Variants in ARHGAP25 observed in about 807,000 individuals in gnomAD.
The protein encoded by ARHGAP25 is Rho GTPase activating protein 25.
ARHGAP25 carries 34 observed loss-of-function variants against 71.0 expected under a neutral mutation model. The observed-to-expected ratio is 0.48, with a 90% CI of 0.36 to 0.64. The LOEUF is 0.64. Ranked by LOEUF, ARHGAP25 falls within the 30% of genes least tolerant of loss-of-function variation. The pLI, the probability that ARHGAP25 is intolerant of heterozygous loss-of-function variation, is 0.00. For missense variants in ARHGAP25, 706 were observed against 805.1 expected (o/e 0.88, Z 1.49); for synonymous variants, 282 against 296.5 (o/e 0.95, Z 0.50).
intron 2 of ARHGAP25, among the ~76,000 whole-genome samples, chr2:68,712,308 GTCT>G (rs1369255137): frequency 1.3e-5 from 2 of 152,214 alleles, no homozygotes; most frequent in African/African-American, 4.8e-5. Context: ...CCACATAAAT[GTCT>G]TCTTTTGATA....
chr2:68,736,940 A>T (rs936281107), intron 1 of ARHGAP25, among the ~76,000 whole-genome samples: 1 of 152,082 alleles, frequency 6.6e-6, no homozygotes, highest in Non-Finnish European at 1.5e-5. Flanking sequence ...TCACCCATTT[A>T]GTATAGGGCA....
intron 2 of ARHGAP25, among the ~76,000 whole-genome samples, chr2:68,778,632 G>T (rs1678096991): frequency 6.6e-6 from 1 of 152,122 alleles, no homozygotes; most frequent in Non-Finnish European, 1.5e-5. Context: ...TGTGTGTGTT[G>T]GTTGGTACAA....
chr2:68,807,571 C>A, intron 5 of ARHGAP25, 91 bp downstream of exon 5: 1 of 1,306,252 alleles, frequency 7.7e-7, no homozygotes, highest in Non-Finnish European at 1.1e-6. Flanking sequence ...AGCTATGGGA[C>A]TTGCATAGAG....
At chr2:68,782,716 A>C (rs1244345308) in intron 3 of ARHGAP25, among the ~76,000 whole-genome samples, 1 of 152,220 alleles carries the variant, frequency 6.6e-6, no homozygotes, top group Non-Finnish European at 1.5e-5. Flanking sequence ...AACCACGTGA[A>C]ATTGCCATTT....
chr2:68,790,280 G>A (rs533163268), intron 4 of ARHGAP25, among the ~76,000 whole-genome samples: 6 of 152,160 alleles, frequency 3.9e-5, no homozygotes, highest in Non-Finnish European at 7.3e-5. Context: ...ATGAGCCACC[G>A]TGCCCAGCCA....
At chr2:68,803,784 A>G (rs914300479) in intron 4 of ARHGAP25, among the ~76,000 whole-genome samples, 1 of 151,706 alleles carries the variant, frequency 6.6e-6, no homozygotes, top group Non-Finnish European at 1.5e-5. Flanking sequence ...GGGACTGGAG[A>G]TGAGGGAGTT....
chr2:68,723,194 G>C (rs1558598692), intron 2 of ARHGAP25, among the ~76,000 whole-genome samples: 1 of 152,242 alleles, frequency 6.6e-6, no homozygotes, highest in Non-Finnish European at 1.5e-5. Flanking sequence ...AGGGAATCCA[G>C]CACATGACAA....
At chr2:68,803,008 T>C (rs180763861) in intron 4 of ARHGAP25, among the ~76,000 whole-genome samples, 8 of 144,472 alleles carry the variant, frequency 5.5e-5, no homozygotes, top group Non-Finnish European at 1.2e-4. Flanking sequence ...TACATACATA[T>C]ATATATATAT....
At position 68,821,092 on chromosome 2, in the gene ARHGAP25, C is replaced by CTTTTTTTTTT. The variant is rs34119311; in HGVS notation, c.1201-1235_1201-1226dup. On this transcript the variant is annotated intron_variant, in intron 9 of 10. Transcript: ENST00000409202. ...GCCTTCAGTTCTTTTCTTTTTCTTT[C>CTTTTTTTTTT]TTTTTTTTTTTTTTTTTTTTTTGTG... Among the ~76,000 whole-genome samples, 225 of 99,366 alleles carry CTTTTTTTTTT rather than the reference C, an allele frequency of 2.3e-3. 2 individuals are homozygous for CTTTTTTTTTT. The highest frequency in any genetic ancestry group is 4.2e-3 in the South Asian group (13 of 3,062). 65.2% of individuals were successfully genotyped at this position (99,366 alleles called of 152,430 possible).
At chr2:68,803,168 C>A (rs368378129) in intron 4 of ARHGAP25, among the ~76,000 whole-genome samples, 16 of 152,128 alleles carry the variant, frequency 1.1e-4, no homozygotes, top group African/African-American at 3.9e-4. Flanking sequence ...AAATGATGCA[C>A]CAAACGAGCA....
chr2:68,775,161 C>G lies in ARHGAP25; in HGVS notation c.62-60C>G, dbSNP rs748959721. On this transcript the variant is annotated intron_variant, in intron 1 of 10. Transcript: ENST00000409202. ...CTGGGGTTCCTCTCTCCTCTCCGCC[C>G]ACTCTTTGCTCACTGCCCCATGTCC... 2.5e-6 allele frequency: 4 copies of G among 1,613,462 alleles called. No homozygotes were observed. In the East Asian group the frequency reaches 8.9e-5, roughly 36 times the overall value.
At chr2:68,739,114 G>C (rs1282101018) in intron 1 of ARHGAP25, among the ~76,000 whole-genome samples, 1 of 152,208 alleles carries the variant, frequency 6.6e-6, no homozygotes, top group East Asian at 1.9e-4. Context: ...CAGCAGAGTG[G>C]GGACCAACCT....
chr2:68,798,860 G>A (rs1019955862), intron 4 of ARHGAP25, among the ~76,000 whole-genome samples: 1 of 152,196 alleles, frequency 6.6e-6, no homozygotes, highest in African/African-American at 2.4e-5. Flanking sequence ...GGTAATAAAA[G>A]GGGAGATAGC....
At chr2:68,719,103 C>G (rs1392944715) in intron 2 of ARHGAP25, among the ~76,000 whole-genome samples, 1 of 152,074 alleles carries the variant, frequency 6.6e-6, no homozygotes, top group Non-Finnish European at 1.5e-5. Flanking sequence ...CACTCAGAGC[C>G]CTTCCAGACC....
chr2:68,800,888 T>C (rs1232366242), intron 4 of ARHGAP25, among the ~76,000 whole-genome samples: 16 of 152,032 alleles, frequency 1.1e-4, no homozygotes, highest in Admixed American at 1.0e-3. Context: ...AATTACATTA[T>C]GGTAATTATA....
chr2:68,782,382 G>A, intron 3 of ARHGAP25, 62 bp downstream of exon 3: 1 of 1,463,264 alleles, frequency 6.8e-7, no homozygotes, highest in Non-Finnish European at 9.6e-7. Context: ...TTTACTTCTG[G>A]ACCCTAGAAG....
upstream of ARHGAP25, among the ~76,000 whole-genome samples, chr2:68,734,023 A>G (rs886586313): frequency 6.6e-6 from 1 of 152,232 alleles, no homozygotes; most frequent in Non-Finnish European, 1.5e-5. Flanking sequence ...CAGGGCCCAA[A>G]TGCTTAAGCA....
At chr2:68,742,602 A>G (rs1675580084) in intron 1 of ARHGAP25, among the ~76,000 whole-genome samples, 1 of 152,232 alleles carries the variant, frequency 6.6e-6, no homozygotes, top group African/African-American at 2.4e-5. Flanking sequence ...AGTGCTTCAT[A>G]AACACTAGTA....
At chr2:68,800,040 G>A (rs924697610) in intron 4 of ARHGAP25, among the ~76,000 whole-genome samples, 3 of 152,314 alleles carry the variant, frequency 2.0e-5, no homozygotes, top group African/African-American at 7.2e-5. Context: ...AGCTCCGAAA[G>A]AAAGGTATTT....
Sources: gnomAD v4.1 joint callset for allele counts (sites outside exome capture counted in the v4.1 genomes callset) on GRCh38, gnomAD v4.1.1 for gene constraint, MANE v1.5 for transcripts, NCBI Gene and HGNC (gene_info 2026-07-23, HGNC 2026-07-21) for gene names.